Variants in KLF5 observed in about 807,000 individuals in gnomAD.
KLF5 encodes the protein Krueppel-like factor 5.
In KLF5, 9 loss-of-function variants were observed where a neutral mutation model predicts 36.9. That is an observed-to-expected ratio of 0.24 (90% CI 0.15 to 0.43). The LOEUF (loss-of-function observed/expected upper bound fraction) is 0.43. KLF5 is among the 20% of genes least tolerant of loss of function. The pLI is 1.00. For missense variants in KLF5, 524 were observed against 599.5 expected, an observed-to-expected ratio of 0.87 and a Z score of 1.31; for synonymous variants, 246 against 241.7, an observed-to-expected ratio of 1.02 and a Z score of -0.17.
chr13:73,071,173 T>A (rs560956036), intron 3 of KLF5, among the ~76,000 whole-genome samples: 2 of 152,314 alleles, frequency 1.3e-5, no homozygotes, highest in African/African-American at 4.8e-5. Context: ...AACAGAAATT[T>A]CAGTGATGGG....
chr13:73,072,210 G>C (rs1422838091), intron 3 of KLF5, among the ~76,000 whole-genome samples: 1 of 149,054 alleles, frequency 6.7e-6, no homozygotes, highest in Admixed American at 6.7e-5. Context: ...GATAGGTTCA[G>C]AAGTCATTCA....
At position 73,077,391 on chromosome 13, in the gene KLF5, T is replaced by A. The variant is rs557828739; in HGVS notation, c.*1505T>A. 3 of 152,684 alleles carry A rather than the reference T, an allele frequency of 2.0e-5. No individual in the cohort carries two copies. Among genetic ancestry groups the A allele is most frequent in the Admixed American group, 1.3e-4 (2 of 15,284 alleles). The allele number at this position is 152,684 out of a possible 1,614,324, so 9.5% of individuals were successfully genotyped here. On this transcript the variant is annotated 3_prime_UTR_variant, in exon 4 of 4. Coordinates refer to ENST00000377687, the MANE Select transcript of KLF5 (RefSeq NM_001730.5). ...AGCAGAAATCGGTTGCTGTTTTGCT[T>A]CTTTTTCCCTCTTATTTTTGTATTG...
chr13:73,062,410 C>A lies in KLF5; in HGVS notation c.811C>A (p.Pro271Thr), dbSNP rs368263038. 15 of 1,614,204 alleles carry A rather than the reference C, an allele frequency of 9.3e-6. No individual in the cohort carries two copies. In the South Asian group the frequency reaches 1.4e-4, roughly 15 times the overall value. ...CCTTAACACACACACCTCTGCTGTT[C>A]CGCAGACTGCAGTGAAACAATTCCA... ...AGLNTHTSAVPQTAVKQFQGM... is the reference protein window; with the variant it reads ...AGLNTHTSAVTQTAVKQFQGM... Residue 271 changes from proline (P) to threonine (T), a missense_variant, in exon 2 of 4, where the codon CCG (proline) becomes ACG (threonine). Pro to Thr is a conservative substitution (Grantham distance 38). Coordinates refer to ENST00000377687, the MANE Select transcript of KLF5 (RefSeq NM_001730.5).
chr13:73,070,448 A>G (rs1398938635), intron 3 of KLF5, among the ~76,000 whole-genome samples: 2 of 152,218 alleles, frequency 1.3e-5, no homozygotes, highest in African/African-American at 2.4e-5. Context: ...TCTCGTTATC[A>G]GGAGACGGAA....
At chr13:73,055,301 T>TAA (rs2044576914), upstream of KLF5, 1 of 152,180 alleles carries the variant, frequency 6.6e-6, no homozygotes, top group Non-Finnish European at 1.5e-5. Context: ...AACTGAAATA[T>TAA]AAAATGTAAT....
intron 3 of KLF5, among the ~76,000 whole-genome samples, chr13:73,073,706 A>C (rs931682948): frequency 6.6e-6 from 1 of 152,204 alleles, no homozygotes; most frequent in Admixed American, 6.5e-5. Context: ...TATTTAACCA[A>C]TATGTTTGTT....
Position 73,065,093 on chromosome 13 carries a change from C to T in KLF5, c.1195+1210C>T, listed in dbSNP as rs138532842. Among the ~76,000 whole-genome samples, 57 of 152,242 alleles carry T rather than the reference C, an allele frequency of 3.7e-4. 1 individual carries two copies. The East Asian group carries it at 0.01, about 27-fold the overall frequency. ...TAAGTTTGCTAATAAAAGCAATGACCTAGCAAAATGTATTATTCCATCATT... is the reference window on the plus strand; with the variant it reads ...TAAGTTTGCTAATAAAAGCAATGACTTAGCAAAATGTATTATTCCATCATT... On this transcript the variant is annotated intron_variant, in intron 3 of 3. Transcript: ENST00000377687.
rs887560485 is a variant in KLF5, at chr13:73,059,214, C to G, written c.-114C>G. The G allele has an allele frequency of 1.9e-6, 2 of 1,072,736 alleles. No individual in the cohort carries two copies. Among genetic ancestry groups the G allele is most frequent in the African/African-American group, 3.3e-5 (2 of 60,634 alleles). The allele number at this position is 1,072,736 out of a possible 1,614,324, so 66.5% of individuals were successfully genotyped here. On this transcript the variant is annotated 5_prime_UTR_variant, in exon 1 of 4. Coordinates refer to ENST00000377687, the MANE Select transcript of KLF5 (RefSeq NM_001730.5). ...CCTGCCGCTGTCTGAGGAGTCCACC[C>G]GAAACCTCCCCTCCTCCGCCGGCAG... is the stretch of plus-strand genomic sequence containing the variant.
rs564638386 is a variant in KLF5, at chr13:73,075,914, C to T, written c.*28C>T. Reference sequence around the variant, plus strand: ...ACTGCCCGTGTGACCCGTTCCAGGTCCCCTGGGCTCCCTCAAATGACAGAC... The same window carrying T: ...ACTGCCCGTGTGACCCGTTCCAGGTTCCCTGGGCTCCCTCAAATGACAGAC... On this transcript the variant is annotated 3_prime_UTR_variant, in exon 4 of 4. Transcript: ENST00000377687. 42 of 1,491,508 alleles carry T rather than the reference C, an allele frequency of 2.8e-5. 1 individual carries two copies. In the South Asian group the frequency reaches 3.1e-4, roughly 11 times the overall value. 92.4% of individuals were successfully genotyped at this position (1,491,508 alleles called of 1,614,324 possible). A position where few individuals can be genotyped will look rare whatever the true frequency, so the allele number is the denominator to read the frequency against.
chr13:73,075,631 G>C, intron 3 of KLF5, 77 bp from the exon 4 acceptor site: 2 of 1,234,288 alleles, frequency 1.6e-6, no homozygotes, highest in Non-Finnish European at 2.2e-6. Context: ...TTTTTTCTTT[G>C]AAATTCCTTC....
rs550586000 is a variant in KLF5 at position 73,077,326 on chromosome 13, G to C, written c.*1440G>C. The C allele has an allele frequency of 6.6e-6, 1 of 152,568 alleles. No individual in the cohort carries two copies. Among genetic ancestry groups the C allele is most frequent in the Non-Finnish European group, 1.5e-5 (1 of 68,026 alleles). The allele number at this position is 152,568 out of a possible 1,614,324, so 9.5% of individuals were successfully genotyped here. A position where few individuals can be genotyped will look rare whatever the true frequency, so the allele number is the denominator to read the frequency against. On this transcript the variant is annotated 3_prime_UTR_variant, in exon 4 of 4. Coordinates refer to ENST00000377687, the MANE Select transcript of KLF5 (RefSeq NM_001730.5). ...AACGATGTAAATAATTTTGTAAGAG[G>C]CTTCAAAATGTTTATACGTGGAAAC...
At position 73,075,742 on chromosome 13, in the gene KLF5, C is replaced by T. The variant is rs767950381; in HGVS notation, c.1230C>T (p.Cys410=). The stretch of plus-strand genomic sequence containing the variant: ...CATACAAGTGTACCTGGGAAGGCTG[C>T]GACTGGAGGTTCGCGCGATCGGATG... The part of the protein sequence containing the change: ...EKPYKCTWEG[C]DWRFARSDEL... Residue 410 remains cysteine, a synonymous_variant, in exon 4 of 4, where the codon TGC becomes TGT. Coordinates refer to ENST00000377687, the MANE Select transcript of KLF5 (RefSeq NM_001730.5). 3.1e-6 allele frequency: 5 copies of T among 1,609,812 alleles called. No individual in the cohort carries two copies. The highest frequency in any genetic ancestry group is 2.2e-5 in the East Asian group (1 of 44,778).
At chr13:73,061,809 C>A in intron 1 of KLF5, 52 bp from the exon 2 acceptor site, 4 of 1,553,230 alleles carry the variant, frequency 2.6e-6, no homozygotes, top group Non-Finnish European at 3.5e-6. Context: ...GTTCGTTCTT[C>A]CCGAGATGGT....
At chr13:73,066,179 T>G (rs1435947726) in intron 3 of KLF5, among the ~76,000 whole-genome samples, 5 of 152,180 alleles carry the variant, frequency 3.3e-5, no homozygotes, top group African/African-American at 1.2e-4. Flanking sequence ...TGTTCTTGGG[T>G]AATCATAGAG....
At chr13:73,056,527 C>T (rs1373972345), upstream of KLF5, among the ~76,000 whole-genome samples, 1 of 152,184 alleles carries the variant, frequency 6.6e-6, no homozygotes, top group Non-Finnish European at 1.5e-5. Flanking sequence ...AAGTTTTAAC[C>T]CTTTTTACTA....
At position 73,076,064 on chromosome 13, in the gene KLF5, T is replaced by G. The variant is rs894799377; in HGVS notation, c.*178T>G. On this transcript the variant is annotated 3_prime_UTR_variant, in exon 4 of 4. Transcript: ENST00000377687. ...TACATTGTATTAATACCAAAGTGTTTGGTCATTTTAAGAATCTGGAATGCT... is the reference window on the plus strand; with the variant it reads ...TACATTGTATTAATACCAAAGTGTTGGGTCATTTTAAGAATCTGGAATGCT... 2.1e-5 allele frequency: 11 copies of G among 525,684 alleles called. No individual in the cohort carries two copies. Among genetic ancestry groups the G allele is most frequent in the African/African-American group, 1.9e-4 (10 of 51,938 alleles). The allele number at this position is 525,684 out of a possible 1,614,324, so 32.6% of individuals were successfully genotyped here.
upstream of KLF5, among the ~76,000 whole-genome samples, chr13:73,055,316 T>A (rs141204297): frequency 1.5e-4 from 23 of 152,312 alleles, no homozygotes; most frequent in East Asian, 4.4e-3. Flanking sequence ...TGTAATTTCT[T>A]AAGAACTGGA....
chr13:73,062,400 C>A lies in KLF5; in HGVS notation c.801C>A (p.Thr267=), dbSNP rs2044643987. Residue 267 remains threonine, a synonymous_variant, in exon 2 of 4, where the codon ACC becomes ACA. Coordinates refer to ENST00000377687, the MANE Select transcript of KLF5 (RefSeq NM_001730.5). ...CCATGGCAGGCCTTAACACACACAC[C>A]TCTGCTGTTCCGCAGACTGCAGTGA... The part of the protein sequence containing the change: ...SAAMAGLNTH[T]SAVPQTAVKQ... 2 of 1,614,084 alleles carry A rather than the reference C, an allele frequency of 1.2e-6. No homozygotes were observed. Among genetic ancestry groups the A allele is most frequent in the East Asian group, 2.2e-5 (1 of 44,900 alleles).
Position 73,062,341 on chromosome 13 carries a change from G to A in KLF5, c.742G>A (p.Ala248Thr), listed in dbSNP as rs567420958. Residue 248 changes from alanine to threonine, a missense_variant, in exon 2 of 4, where the codon GCA becomes ACA. Ala to Thr is a moderately conservative substitution (Grantham distance 58). Around this residue, in one of 4 missense-constraint regions of KLF5, gnomAD observed 454 missense variants for 458.1 expected, o/e 0.99. Transcript: ENST00000377687. ...GCCCAGTTCTACAAATCAGACAGCA[G>A]CAATGGACACTCTTAATGTTTCTAT... is the stretch of plus-strand genomic sequence containing the variant. ...DMPSSTNQTA[A>T]MDTLNVSMSA... 13 of 1,614,172 alleles carry A rather than the reference G, an allele frequency of 8.1e-6. No individual in the cohort carries two copies. In the South Asian group the frequency reaches 1.3e-4, roughly 16 times the overall value.
Sources: gnomAD v4.1 joint callset for allele counts (sites outside exome capture counted in the v4.1 genomes callset) on GRCh38, gnomAD v4.1.1 for gene constraint, gnomAD v4.1.1 regional missense constraint, MANE v1.5 for transcripts, NCBI Gene and HGNC (gene_info 2026-07-23, HGNC 2026-07-21) for gene names.